The following HDAC4 variants were observed in gnomAD, a reference collection of about 807,000 sequenced individuals.
HDAC4 encodes histone deacetylase A.
HDAC4 carries 16 observed loss-of-function variants against 135.1 expected under a neutral mutation model. That is an observed-to-expected ratio of 0.12 (90% CI 0.08 to 0.18). The LOEUF is 0.18. Ranked by LOEUF, HDAC4 falls within the 10% of genes least tolerant of loss-of-function variation. The pLI, the probability that HDAC4 is intolerant of heterozygous loss-of-function variation, is 1.00. For missense variants in HDAC4, 1,143 were observed against 1,511.8 expected (o/e 0.76, Z 4.05); for synonymous variants, 685 against 653.4 (o/e 1.05, Z -0.74).
chr2:239,191,203 G>A (rs1282769354), intron 3 of HDAC4: 1 of 341,956 alleles, frequency 2.9e-6, no homozygotes, highest in African/African-American at 2.2e-5. Flanking sequence ...CAAGCTCAGA[G>A]GGGTGTCTGG....
At chr2:239,399,195 A>T (rs1002868397) in intron 1 of HDAC4, among the ~76,000 whole-genome samples, 2 of 152,230 alleles carry the variant, frequency 1.3e-5, no homozygotes, top group Non-Finnish European at 2.9e-5. Flanking sequence ...CCTGAAAAAA[A>T]ATTAAATTTC....
At chr2:239,210,694 C>G (rs1019140730) in intron 3 of HDAC4, among the ~76,000 whole-genome samples, 3 of 152,102 alleles carry the variant, frequency 2.0e-5, no homozygotes, top group African/African-American at 7.2e-5. Context: ...AAGGAGGAAA[C>G]GCCAGTTTAG....
At chr2:239,250,055 A>G (rs1413830686) in intron 2 of HDAC4, among the ~76,000 whole-genome samples, 2 of 152,250 alleles carry the variant, frequency 1.3e-5, no homozygotes, top group African/African-American at 2.4e-5. Context: ...GGCCCAGCGC[A>G]GCATCCTCCG....
intron 2 of HDAC4, among the ~76,000 whole-genome samples, chr2:239,239,864 A>G (rs1369243770): frequency 2.6e-5 from 4 of 152,232 alleles, no homozygotes; most frequent in Non-Finnish European, 5.9e-5. Flanking sequence ...AGAAAACAGC[A>G]GGAGTGTCTC....
chr2:239,082,352 C>T, intron 20 of HDAC4, 131 bp from the exon 21 acceptor site: 1 of 1,234,074 alleles, frequency 8.1e-7, no homozygotes, highest in Non-Finnish European at 1.2e-6. Context: ...TACCCTCCAG[C>T]TGGGCCCGTA....
intron 6 of HDAC4, among the ~76,000 whole-genome samples, chr2:239,159,765 T>G (rs886159456): frequency 1.9e-4 from 29 of 152,342 alleles, no homozygotes; most frequent in Non-Finnish European, 3.4e-4. Context: ...CCTACAGAGC[T>G]GCTCCCTCTA....
At chr2:239,397,000 A>G (rs1696604867) in intron 1 of HDAC4, among the ~76,000 whole-genome samples, 1 of 152,154 alleles carries the variant, frequency 6.6e-6, no homozygotes, top group Non-Finnish European at 1.5e-5. Context: ...CACGTGACAT[A>G]AGACAGCATG....
chr2:239,134,333 C>T lies in HDAC4; in HGVS notation c.1206G>A (p.Leu402=), dbSNP rs968174085. The change falls in exon 11 of 27, where the codon TTG becomes TTA. Residue 402 remains leucine (L), a synonymous_variant. Coordinates refer to ENST00000543185, the MANE Select transcript of HDAC4 (RefSeq NM_001378414.1). ...TGTGCGCTGCCCCTCCGTCCCGCTC[C>T]AAGGGCGAGGTGCTCAGGTAGGGAG... ...HLTPYLSTSP[L]ERDGGAAHSP... The T allele has an allele frequency of 1.9e-6, 3 of 1,613,990 alleles. No homozygotes were observed. The highest frequency in any genetic ancestry group is 2.5e-6 in the Non-Finnish European group (3 of 1,180,022).
chr2:239,360,850 G>A (rs968693126), intron 1 of HDAC4, among the ~76,000 whole-genome samples: 1 of 152,208 alleles, frequency 6.6e-6, no homozygotes, highest in Non-Finnish European at 1.5e-5. Context: ...GAAGTACTGG[G>A]TTGGAGTTCA....
chr2:239,120,022 G>A (rs1217332748), intron 12 of HDAC4, among the ~76,000 whole-genome samples: 1 of 150,816 alleles, frequency 6.6e-6, no homozygotes, highest in African/African-American at 2.4e-5. Flanking sequence ...GTGAGCAGGA[G>A]GCACCAGGAC....
At chr2:239,340,888 A>G (rs888202899) in intron 2 of HDAC4, among the ~76,000 whole-genome samples, 4 of 152,266 alleles carry the variant, frequency 2.6e-5, no homozygotes, top group African/African-American at 9.6e-5. Flanking sequence ...CCCCCTCTTC[A>G]GCAGTCACAC....
intron 2 of HDAC4, among the ~76,000 whole-genome samples, chr2:239,344,716 C>T (rs891765098): frequency 1.3e-5 from 2 of 152,174 alleles, no homozygotes; most frequent in African/African-American, 2.4e-5. Context: ...CGGTGCTGTG[C>T]GTCAGAAAAC....
intron 2 of HDAC4, among the ~76,000 whole-genome samples, chr2:239,269,285 A>G (rs1438160897): frequency 6.6e-6 from 1 of 151,070 alleles, no homozygotes; most frequent in Non-Finnish European, 1.5e-5. Flanking sequence ...ACCCACACAC[A>G]TTCACACACC....
At chr2:239,392,009 A>G (rs995182034) in intron 1 of HDAC4, among the ~76,000 whole-genome samples, 1 of 152,238 alleles carries the variant, frequency 6.6e-6, no homozygotes, top group Non-Finnish European at 1.5e-5. Context: ...TGAACTCCGA[A>G]GCCCAAAAGG....
At chr2:239,351,975 GT>G in intron 2 of HDAC4, among the ~76,000 whole-genome samples, 1 of 152,054 alleles carries the variant, frequency 6.6e-6, no homozygotes, top group Non-Finnish European at 1.5e-5. Context: ...AGGCCTCGAG[GT>G]TTCATTATGG....
intron 1 of HDAC4, among the ~76,000 whole-genome samples, chr2:239,399,220 T>C (rs1240551137): frequency 6.6e-6 from 1 of 152,238 alleles, no homozygotes; most frequent in Admixed American, 6.5e-5. Flanking sequence ...ATTTTTGATA[T>C]CCAAAACTCC....
intron 9 of HDAC4, among the ~76,000 whole-genome samples, chr2:239,136,376 C>A (rs1329121359): frequency 6.6e-6 from 1 of 152,204 alleles, no homozygotes; most frequent in African/African-American, 2.4e-5. Context: ...AGGGTTCTAT[C>A]CTTTTTGATG....
At chr2:239,207,152 C>G (rs988528483) in intron 3 of HDAC4, among the ~76,000 whole-genome samples, 1 of 151,800 alleles carries the variant, frequency 6.6e-6, no homozygotes. Context: ...AAAAAAATTT[C>G]TAAATATCTA....
intron 2 of HDAC4, among the ~76,000 whole-genome samples, chr2:239,321,013 C>T (rs867981743): frequency 1.2e-4 from 18 of 152,108 alleles, no homozygotes; most frequent in African/African-American, 4.1e-4. Flanking sequence ...TGTAATAAAA[C>T]CTTTGATAAC....
Sources: allele counts gnomAD v4.1 joint callset (sites outside exome capture counted in the v4.1 genomes callset), GRCh38; gene constraint gnomAD v4.1.1; transcripts MANE v1.5; gene names NCBI Gene and HGNC (gene_info 2026-07-23, HGNC 2026-07-21).